Variants in SHLD1 observed in about 807,000 individuals in gnomAD.
The protein encoded by SHLD1 is RINN1-REV7-interacting novel NHEJ regulator 3.
A neutral mutation model predicts 5.5 loss-of-function variants in SHLD1; 3 were observed. The ratio of observed to expected loss-of-function variants is 0.54; its 90% CI spans 0.25 to 1.40. The LOEUF is 1.40. SHLD1 is among the 40% of genes most tolerant of loss of function. The pLI, the probability that SHLD1 is intolerant of heterozygous loss-of-function variation, is 0.15. For missense variants in SHLD1, 210 were observed against 244.4 expected, an observed-to-expected ratio of 0.86 and a Z score of 0.94; for synonymous variants, 92 against 94.3, an observed-to-expected ratio of 0.98 and a Z score of 0.14.
At chr20:5,767,165 C>T (rs1006332049) in intron 1 of SHLD1, among the ~76,000 whole-genome samples, 1 of 150,756 alleles carries the variant, frequency 6.6e-6, no homozygotes, top group Non-Finnish European at 1.5e-5. Context: ...GACAGAGTCT[C>T]GCTCTGTCAC....
chr20:5,791,651 A>T (rs140012139), intron 2 of SHLD1, among the ~76,000 whole-genome samples: 2 of 152,190 alleles, frequency 1.3e-5, no homozygotes, highest in East Asian at 3.9e-4. Flanking sequence ...CCTCATAAAA[A>T]TTAAAAACCT....
At chr20:5,849,965 CAAAAAAAAAAA>C (rs752647466) in intron 2 of SHLD1, among the ~76,000 whole-genome samples, 1 of 50,242 alleles carries the variant, frequency 2.0e-5, no homozygotes, top group Non-Finnish European at 4.2e-5. Flanking sequence ...GACTCCGTCT[CAAAAAAAAAAA>C]AAAAAAAAAA....
chr20:5,786,866 C>T (rs539252989), intron 2 of SHLD1, among the ~76,000 whole-genome samples: 1 of 147,778 alleles, frequency 6.8e-6, no homozygotes, highest in Non-Finnish European at 1.5e-5. Context: ...AATCTCTGCC[C>T]CAGGAAGACA....
chr20:5,793,644 G>A lies in SHLD1; in HGVS notation c.178+20601G>A, dbSNP rs190277580. Among the ~76,000 whole-genome samples, 6 of 152,310 alleles carry A rather than the reference G, an allele frequency of 3.9e-5. No individual in the cohort carries two copies. The East Asian group carries it at 1.2e-3, about 29-fold the overall frequency. ...TATTTTAGGGTAAAGTATGAAACAA[G>A]ATGATAGCTCTATTGTTTTCCAAAT... On this transcript the variant is annotated intron_variant, in intron 2 of 2. Transcript: ENST00000303142.
chr20:5,760,846 T>G (rs1193288347), intron 1 of SHLD1, among the ~76,000 whole-genome samples: 1 of 152,038 alleles, frequency 6.6e-6, no homozygotes, highest in Non-Finnish European at 1.5e-5. Context: ...TTAGTATTCA[T>G]TTAGTGAGAC....
intron 2 of SHLD1, among the ~76,000 whole-genome samples, chr20:5,824,333 T>TG (rs1239513334): frequency 2.0e-5 from 3 of 152,238 alleles, no homozygotes; most frequent in African/African-American, 4.8e-5. Flanking sequence ...CCATCCAACC[T>TG]GGGCCTCCAT....
At chr20:5,857,700 A>T (rs1379837687) in intron 2 of SHLD1, among the ~76,000 whole-genome samples, 1 of 151,676 alleles carries the variant, frequency 6.6e-6, no homozygotes, top group South Asian at 2.1e-4. Flanking sequence ...AGACCCAGCT[A>T]CTCAGGACTG....
At chr20:5,784,571 C>T (rs1287597316) in intron 2 of SHLD1, among the ~76,000 whole-genome samples, 1 of 151,998 alleles carries the variant, frequency 6.6e-6, no homozygotes, top group African/African-American at 2.4e-5. Flanking sequence ...CTGCCTCAGC[C>T]TCCCGAGTAG....
intron 1 of SHLD1, chr20:5,772,087 G>C (rs566972752): frequency 5.5e-5 from 23 of 416,824 alleles, no homozygotes; most frequent in South Asian, 3.3e-4. Flanking sequence ...TGTTGGCCAG[G>C]CTGGTCTTGA....
At chr20:5,773,108 G>A (rs1985263216) in intron 2 of SHLD1, 65 bp downstream of exon 2, 1 of 1,548,042 alleles carries the variant, frequency 6.5e-7, no homozygotes, top group Non-Finnish European at 8.9e-7. Context: ...GTGTGTGATA[G>A]TTTGTTTCTC....
chr20:5,844,793 A>ATTT (rs1167953728), intron 2 of SHLD1, among the ~76,000 whole-genome samples: 5 of 96,192 alleles, frequency 5.2e-5, no homozygotes, highest in African/African-American at 2.8e-4. Flanking sequence ...ATATATATAT[A>ATTT]TATATATTTT....
chr20:5,844,280 A>G (rs1278533393), intron 2 of SHLD1, among the ~76,000 whole-genome samples: 3 of 152,170 alleles, frequency 2.0e-5, no homozygotes, highest in East Asian at 1.9e-4. Flanking sequence ...TTTATTTTTA[A>G]TGCTGCCTGT....
At chr20:5,772,317 A>G (rs1299834815) in intron 1 of SHLD1, 1 of 359,084 alleles carries the variant, frequency 2.8e-6, no homozygotes, top group Non-Finnish European at 5.6e-6. Context: ...TGATACCACA[A>G]CAGTCCATCT....
At chr20:5,859,663 G>A (rs2088134892) in intron 2 of SHLD1, among the ~76,000 whole-genome samples, 1 of 152,198 alleles carries the variant, frequency 6.6e-6, no homozygotes, top group Non-Finnish European at 1.5e-5. Flanking sequence ...GATTAGAGAG[G>A]AGGCTTTATA....
chr20:5,761,077 T>TA (rs1412596991), intron 1 of SHLD1, among the ~76,000 whole-genome samples: 2 of 151,942 alleles, frequency 1.3e-5, no homozygotes, highest in African/African-American at 4.8e-5. Context: ...GCTGCAGCCA[T>TA]AAAAAACAAT....
intron 2 of SHLD1, among the ~76,000 whole-genome samples, chr20:5,814,654 C>CTTTTTTTTTTTTTTTTTTTT (rs148119460): frequency 6.7e-5 from 7 of 103,808 alleles, no homozygotes; most frequent in African/African-American, 1.1e-4. Context: ...TTTTCTTCTT[C>CTTTTTTTTTTTTTTTTTTTT]TTTTTTTTTT....
chr20:5,756,209 G>C (rs568637072), intron 1 of SHLD1, among the ~76,000 whole-genome samples: 1 of 151,790 alleles, frequency 6.6e-6, no homozygotes, highest in Non-Finnish European at 1.5e-5. Flanking sequence ...CCAGCACTTC[G>C]GTAGGCCAAG....
intron 2 of SHLD1, among the ~76,000 whole-genome samples, chr20:5,792,745 C>T (rs1327192777): frequency 6.6e-6 from 1 of 151,514 alleles, no homozygotes; most frequent in Non-Finnish European, 1.5e-5. Flanking sequence ...ATGATCCCGG[C>T]TCACTGTAGC....
At chr20:5,784,550 A>C (rs781184914) in intron 2 of SHLD1, among the ~76,000 whole-genome samples, 1 of 151,914 alleles carries the variant, frequency 6.6e-6, no homozygotes, top group Non-Finnish European at 1.5e-5. Flanking sequence ...TCCCGGGTTC[A>C]CGCCATTCTC....
Sources: allele counts gnomAD v4.1 joint callset (sites outside exome capture counted in the v4.1 genomes callset), GRCh38; gene constraint gnomAD v4.1.1; transcripts MANE v1.5; gene names NCBI Gene and HGNC (gene_info 2026-07-23, HGNC 2026-07-21).